The following RNGTT variants were observed in gnomAD, a reference collection of about 807,000 sequenced individuals.
RNGTT encodes the protein RNA guanylyltransferase and 5'-phosphatase.
RNGTT carries 33 observed loss-of-function variants against 79.3 expected under a neutral mutation model. The observed-to-expected ratio is 0.42, with a 90% CI of 0.32 to 0.56. The LOEUF is 0.56. RNGTT is among the 20% of genes least tolerant of loss of function. The probability of loss-of-function intolerance (pLI) is 0.17; values close to 1 mark genes in which losing one functional copy is unlikely to be tolerated. For synonymous variants in RNGTT, 222 were observed against 235.9 expected (o/e 0.94, Z 0.54); for missense variants, 497 against 739.1 (o/e 0.67, Z 3.80).
intron 11 of RNGTT, among the ~76,000 whole-genome samples, chr6:88,816,694 T>A (rs1780323690): frequency 6.6e-6 from 1 of 152,220 alleles, no homozygotes; most frequent in Admixed American, 6.5e-5. Flanking sequence ...CAAGCTTCCA[T>A]TTGAAAATAA....
intron 14 of RNGTT, among the ~76,000 whole-genome samples, chr6:88,667,976 C>A (rs1368760980): frequency 1.3e-5 from 2 of 152,112 alleles, no homozygotes; most frequent in Admixed American, 6.5e-5. Context: ...GTATCATAGA[C>A]CCCCTCCCAT....
intron 13 of RNGTT, among the ~76,000 whole-genome samples, chr6:88,707,099 C>T (rs1310636422): frequency 6.6e-6 from 1 of 152,074 alleles, no homozygotes; most frequent in African/African-American, 2.4e-5. Context: ...ATTAGTCAAG[C>T]AATTTATAAG....
intron 12 of RNGTT, among the ~76,000 whole-genome samples, chr6:88,779,349 C>A (rs1778987135): frequency 6.6e-6 from 1 of 152,034 alleles, no homozygotes; most frequent in East Asian, 1.9e-4. Context: ...ACTTAGAAAC[C>A]AATATCAATC....
intron 13 of RNGTT, among the ~76,000 whole-genome samples, chr6:88,682,202 A>C (rs1230406969): frequency 1.3e-5 from 2 of 152,228 alleles, no homozygotes; most frequent in Non-Finnish European, 2.9e-5. Context: ...AAAAGGAGCA[A>C]GGGATTCTTT....
At chr6:88,779,654 T>G (rs1295824919) in intron 12 of RNGTT, among the ~76,000 whole-genome samples, 1 of 152,168 alleles carries the variant, frequency 6.6e-6, no homozygotes, top group Non-Finnish European at 1.5e-5. Context: ...CTTGATATTA[T>G]TAGGAATTTC....
chr6:88,748,613 T>G (rs1430929073), intron 13 of RNGTT, among the ~76,000 whole-genome samples: 1 of 152,162 alleles, frequency 6.6e-6, no homozygotes, highest in Non-Finnish European at 1.5e-5. Flanking sequence ...GTTATGTTTA[T>G]TGTCTGTCTC....
In RNGTT at chr6:88,744,406, C is replaced by T. The variant is rs141121306; in HGVS notation, c.1439+25368G>A. ...CCTCCAGAGTAGCTAAGACTACAGG[C>T]GCGCACCAGCACGCCCGGCTAATTT... On this transcript the variant is annotated intron_variant, in intron 13 of 15. Coordinates refer to ENST00000369485, the MANE Select transcript of RNGTT (RefSeq NM_003800.5). Among the ~76,000 whole-genome samples, 1,223 of 152,062 alleles carry T rather than the reference C, an allele frequency of 8.0e-3. 46 individuals are homozygous for T. Among genetic ancestry groups the T allele is most frequent in the Admixed American group, 0.064 (976 of 15,236 alleles).
intron 1 of RNGTT, among the ~76,000 whole-genome samples, chr6:88,958,015 G>A (rs962987089): frequency 2.6e-5 from 4 of 152,078 alleles, no homozygotes; most frequent in Non-Finnish European, 5.9e-5. Flanking sequence ...GCATAGTACT[G>A]GTATAAAAAT....
At chr6:88,667,692 C>T (rs1048018560) in intron 14 of RNGTT, among the ~76,000 whole-genome samples, 1 of 152,186 alleles carries the variant, frequency 6.6e-6, no homozygotes, top group Non-Finnish European at 1.5e-5. Context: ...TTGGCTCAGA[C>T]AATGGGCCGG....
chr6:88,922,250 T>C (rs1488629609), intron 4 of RNGTT, among the ~76,000 whole-genome samples: 3 of 151,896 alleles, frequency 2.0e-5, no homozygotes, highest in Non-Finnish European at 4.4e-5. Context: ...ATTATAAATA[T>C]ATAAATACAT....
rs557093566 is a variant in RNGTT at position 88,662,023 on chromosome 6, A to G, written c.1506+16330T>C. ...AGGGTTGGTTTAACATATGCAAGTT[A>G]ATAAATGTGATACACCACATAAACA... On this transcript the variant is annotated intron_variant, in intron 14 of 15. Coordinates refer to ENST00000369485, the MANE Select transcript of RNGTT (RefSeq NM_003800.5). Among the ~76,000 whole-genome samples the G allele has an allele frequency of 1.6e-4, 24 of 152,374 alleles. No individual in the cohort carries two copies. In the South Asian group the frequency reaches 5.0e-3, roughly 32 times the overall value.
intron 11 of RNGTT, among the ~76,000 whole-genome samples, chr6:88,842,707 T>C (rs940827159): frequency 6.6e-6 from 1 of 152,162 alleles, no homozygotes; most frequent in African/African-American, 2.4e-5. Flanking sequence ...ATTTTAGAGA[T>C]GAAGGGCTTC....
intron 11 of RNGTT, among the ~76,000 whole-genome samples, chr6:88,822,169 T>C (rs544198663): frequency 1.1e-4 from 16 of 152,248 alleles, no homozygotes; most frequent in Admixed American, 9.2e-4. Context: ...AAAAGGCCAC[T>C]GCTAAGGGAA....
intron 13 of RNGTT, among the ~76,000 whole-genome samples, chr6:88,686,293 T>G (rs185615617): frequency 6.7e-4 from 102 of 151,702 alleles, no homozygotes; most frequent in African/African-American, 2.4e-3. Context: ...CCTAAGTAAA[T>G]GAAAGAATAC....
In RNGTT at chr6:88,723,016, T is replaced by C. The variant is rs553351889; in HGVS notation, c.1440-44597A>G. On this transcript the variant is annotated intron_variant, in intron 13 of 15. Transcript: ENST00000369485. ...TAGCTTTTGTATTTACAATAGTGTATTTGTATTGTTATTTTAGAATGTATT... is the reference window on the plus strand; with the variant it reads ...TAGCTTTTGTATTTACAATAGTGTACTTGTATTGTTATTTTAGAATGTATT... 3.3e-5 allele frequency among the ~76,000 whole-genome samples: 5 copies of C among 152,376 alleles called. No homozygotes were observed. The East Asian group carries it at 7.7e-4, about 23-fold the overall frequency.
chr6:88,826,824 G>A (rs9359823), intron 11 of RNGTT, among the ~76,000 whole-genome samples: 2 of 129,206 alleles, frequency 1.5e-5, no homozygotes, highest in African/African-American at 6.1e-5. Flanking sequence ...ATATGTGTGT[G>A]TATATATATA....
At chr6:88,768,910 T>TA in intron 13 of RNGTT, among the ~76,000 whole-genome samples, 1 of 152,218 alleles carries the variant, frequency 6.6e-6, no homozygotes, top group African/African-American at 2.4e-5. Context: ...ATAGACATTA[T>TA]AAAAAATCTT....
chr6:88,762,485 A>G (rs998235422), intron 13 of RNGTT, among the ~76,000 whole-genome samples: 12 of 152,202 alleles, frequency 7.9e-5, no homozygotes, highest in Admixed American at 5.2e-4. Flanking sequence ...CTTTAACGAA[A>G]CCAATCAATG....
chr6:88,852,862 G>A (rs1453466359), intron 9 of RNGTT, among the ~76,000 whole-genome samples: 1 of 152,152 alleles, frequency 6.6e-6, no homozygotes, highest in Non-Finnish European at 1.5e-5. Context: ...AGTCAAGATA[G>A]TTTGGAAACC....
Sources: allele counts gnomAD v4.1 joint callset (sites outside exome capture counted in the v4.1 genomes callset), GRCh38; gene constraint gnomAD v4.1.1; transcripts MANE v1.5; gene names NCBI Gene and HGNC (gene_info 2026-07-23, HGNC 2026-07-21).